CD99: variants seen among roughly 807,000 people sequenced by gnomAD.
CD99 encodes the protein CD99 molecule (Xg blood group).
A neutral mutation model predicts 28.4 loss-of-function variants in CD99; 19 were observed. The observed-to-expected ratio is 0.67, with a 90% CI of 0.47 to 0.98. The LOEUF is 0.98. Ranked by LOEUF, CD99 falls within the 50% of genes least tolerant of loss-of-function variation. The pLI is 0.00. For synonymous variants in CD99, 103 were observed against 92.1 expected (o/e 1.12, Z -0.67); for missense variants, 283 against 248.8 (o/e 1.14, Z -0.92).
chrX:2,725,905 G>A (rs2049256620), intron 7 of CD99, among the ~76,000 whole-genome samples: 3 of 152,096 alleles, frequency 2.0e-5, no homozygotes, highest in African/African-American at 4.8e-5. Context: ...GAGCCACCAC[G>A]CCCAGCCCCA....
At chrX:2,735,080 A>G (rs2049868383) in intron 8 of CD99, among the ~76,000 whole-genome samples, 1 of 152,082 alleles carries the variant, frequency 6.6e-6, no homozygotes, top group African/African-American at 2.4e-5. Context: ...GCTGCCCCCC[A>G]TTGACCACAG....
At chrX:2,716,731 A>T (rs1306482251) in intron 2 of CD99, among the ~76,000 whole-genome samples, 2 of 152,060 alleles carry the variant, frequency 1.3e-5, no homozygotes, top group Non-Finnish European at 2.9e-5. Context: ...GCTGATGGGG[A>T]TCATCTCTTT....
chrX:2,725,441 T>G (rs977210301), intron 7 of CD99, among the ~76,000 whole-genome samples: 3 of 152,112 alleles, frequency 2.0e-5, no homozygotes, highest in African/African-American at 7.2e-5. Context: ...AGAGATAGAT[T>G]TAAAATGTCT....
Position 2,691,343 on chromosome X carries a change from G to T in CD99, c.-18G>T. The T allele has an allele frequency of 6.4e-7, 1 of 1,553,866 alleles. No individual in the cohort carries two copies. On this transcript the variant is annotated 5_prime_UTR_variant, in exon 1 of 10. Transcript: ENST00000381192. Reference sequence around the variant, plus strand: ...CGCCCTGCACTCCGGGACCGTCCCTGCGCGCTCTGGGCGCACCATGGCCCG... The same window carrying T: ...CGCCCTGCACTCCGGGACCGTCCCTTCGCGCTCTGGGCGCACCATGGCCCG...
chrX:2,720,469 T>G, intron 5 of CD99, 45 bp downstream of exon 5: 1 of 1,565,830 alleles, frequency 6.4e-7, no homozygotes. Flanking sequence ...TTGTTCAGAA[T>G]TCAGCGATAT....
intron 8 of CD99, chrX:2,733,663 A>G: frequency 1.9e-6 from 1 of 518,292 alleles, no homozygotes; most frequent in East Asian, 3.0e-5. Context: ...TGAATCTAAC[A>G]GAAACAGGGC....
At chrX:2,712,031 T>A (rs186325724) in intron 1 of CD99, among the ~76,000 whole-genome samples, 2 of 152,266 alleles carry the variant, frequency 1.3e-5, no homozygotes, top group Non-Finnish European at 2.9e-5. Flanking sequence ...AGTGAGACTC[T>A]GTCTCAAAAA....
rs140688356 is a variant in CD99 at position 2,723,358 on chromosome X, G to C, written c.355G>C (p.Glu119Gln). ...TGGAGGCAGCCACAGGAAAGAAGGGGAAGAGGGTAGGTGCACCTGGCTTCT... is the reference window on the plus strand; with the variant it reads ...TGGAGGCAGCCACAGGAAAGAAGGGCAAGAGGGTAGGTGCACCTGGCTTCT... ...DGGGSHRKEG[E>Q]EADAPGVIPG... Residue 119 changes from glutamate (E) to glutamine (Q), a missense_variant, in exon 7 of 10, where the codon GAA becomes CAA. Physicochemically the swap from Glu to Gln is conservative, Grantham distance 29. Transcript: ENST00000381192. The C allele has an allele frequency of 6.2e-7, 1 of 1,613,996 alleles. No homozygotes were observed. Among genetic ancestry groups the C allele is most frequent in the South Asian group, 1.1e-5 (1 of 91,080 alleles).
chrX:2,696,816 T>C (rs753951694), intron 1 of CD99, among the ~76,000 whole-genome samples: 1 of 152,204 alleles, frequency 6.6e-6, no homozygotes, highest in Non-Finnish European at 1.5e-5. Context: ...TTCAGTATTC[T>C]TTCTTGGCTT....
intron 5 of CD99, among the ~76,000 whole-genome samples, chrX:2,722,223 A>T (rs776771478): frequency 6.6e-6 from 1 of 152,026 alleles, no homozygotes; most frequent in African/African-American, 2.4e-5. Context: ...TTCTGATATG[A>T]CATTATTGAT....
intron 1 of CD99, among the ~76,000 whole-genome samples, chrX:2,705,048 G>A (rs2048053142): frequency 6.6e-6 from 1 of 152,228 alleles, no homozygotes; most frequent in South Asian, 2.1e-4. Context: ...AGAAGACAGA[G>A]AGACGAGTTT....
chrX:2,714,550 C>G (rs1012606961), intron 2 of CD99, 96 bp downstream of exon 2: 2 of 1,069,468 alleles, frequency 1.9e-6, no homozygotes, highest in African/African-American at 3.1e-5. Flanking sequence ...AGGTTCTAGA[C>G]CACCGCAATA....
At position 2,712,939 on chromosome X, in the gene CD99, G is replaced by A. The variant is rs1032882388; in HGVS notation, c.68-1483G>A. 5.9e-5 allele frequency among the ~76,000 whole-genome samples: 9 copies of A among 151,382 alleles called. No homozygotes were observed. The East Asian group carries it at 9.7e-4, about 16-fold the overall frequency. The stretch of plus-strand genomic sequence containing the variant: ...TACATGCACCTATGCATATGCACAC[G>A]TGGAAACACACCTGCACACTACACA... On this transcript the variant is annotated intron_variant, in intron 1 of 9. Transcript: ENST00000381192.
chrX:2,703,100 T>G (rs1478622753), intron 1 of CD99, among the ~76,000 whole-genome samples: 2 of 152,138 alleles, frequency 1.3e-5, no homozygotes, highest in African/African-American at 4.8e-5. Context: ...GAATTGAGCT[T>G]CTCAATAGCA....
chrX:2,693,216 C>T (rs1219035488), intron 1 of CD99, among the ~76,000 whole-genome samples: 3 of 151,524 alleles, frequency 2.0e-5, no homozygotes, highest in Non-Finnish European at 2.9e-5. Flanking sequence ...GATGTCGGCT[C>T]ATTGGCGTTG....
intron 8 of CD99, among the ~76,000 whole-genome samples, chrX:2,737,517 G>C (rs1260995036): frequency 1.3e-5 from 2 of 149,616 alleles, no homozygotes; most frequent in Non-Finnish European, 3.0e-5. Flanking sequence ...TTTATTTTGA[G>C]ACAGTCTTGC....
intron 1 of CD99, among the ~76,000 whole-genome samples, chrX:2,701,044 C>T (rs1285361957): frequency 6.6e-6 from 1 of 151,896 alleles, no homozygotes; most frequent in Admixed American, 6.6e-5. Context: ...TACTCACCCA[C>T]CTAAACTCAT....
At chrX:2,692,911 T>C (rs936540910) in intron 1 of CD99, among the ~76,000 whole-genome samples, 21 of 152,326 alleles carry the variant, frequency 1.4e-4, no homozygotes, top group African/African-American at 4.6e-4. Context: ...CAGAGGCATC[T>C]GAACAGGCAG....
chrX:2,707,180 A>T (rs758238833), intron 1 of CD99, among the ~76,000 whole-genome samples: 21 of 152,190 alleles, frequency 1.4e-4, no homozygotes, highest in Admixed American at 3.3e-4. Flanking sequence ...AAACACAAGA[A>T]TTAGCTGGAT....
Sources: gnomAD v4.1 joint callset for allele counts (sites outside exome capture counted in the v4.1 genomes callset) on GRCh38, gnomAD v4.1.1 for gene constraint, MANE v1.5 for transcripts, NCBI Gene and HGNC (gene_info 2026-07-23, HGNC 2026-07-21) for gene names.